LYRM4: variants seen among roughly 807,000 people sequenced by gnomAD.
The protein encoded by LYRM4 is LYR motif-containing protein 4.
LYRM4 carries 9 observed loss-of-function variants against 11.7 expected under a neutral mutation model. The ratio of observed to expected loss-of-function variants is 0.77; its 90% CI spans 0.46 to 1.34. LYRM4 has a LOEUF of 1.34. Ranked by LOEUF, LYRM4 falls within the 40% of genes most tolerant of loss-of-function variation. LYRM4 has a pLI of 0.00. For missense variants in LYRM4, 133 were observed against 112.5 expected (o/e 1.18, Z -0.82); for synonymous variants, 42 against 40.4 (o/e 1.04, Z -0.15).
At chr6:5,097,531 T>A in the LYRM4 span, among the ~76,000 whole-genome samples, 1 of 152,180 alleles carries the variant, frequency 6.6e-6, no homozygotes, top group South Asian at 2.1e-4. Context: ...GTTGATTTTT[T>A]GTAGAGATGG....
At position 5,121,820 on chromosome 6, in the gene LYRM4, C is replaced by T. The variant is rs573159529; in HGVS notation, c.208-12329G>A. Among the ~76,000 whole-genome samples the T allele has an allele frequency of 2.4e-4, 37 of 152,322 alleles. 1 individual carries two copies. The South Asian group carries it at 6.6e-3, about 27-fold the overall frequency. On this transcript the variant is annotated intron_variant, in intron 2 of 2. Coordinates refer to ENST00000330636, the MANE Select transcript of LYRM4 (RefSeq NM_020408.6). ...CTGCTTCATGCCACCAAAACCACAGCGGCAAGGCCAGAATCCTGGCCCCTC... is the reference window on the plus strand; with the variant it reads ...CTGCTTCATGCCACCAAAACCACAGTGGCAAGGCCAGAATCCTGGCCCCTC...
intron 2 of LYRM4, among the ~76,000 whole-genome samples, chr6:5,174,449 C>CGGAT (rs1759605305): frequency 6.6e-6 from 1 of 152,066 alleles, no homozygotes; most frequent in South Asian, 2.1e-4. Context: ...GAGAGACAGA[C>CGGAT]GGATGCACAA....
the LYRM4 span, among the ~76,000 whole-genome samples, chr6:5,044,891 A>G: frequency 1.3e-5 from 2 of 152,196 alleles, no homozygotes; most frequent in Non-Finnish European, 2.9e-5. Context: ...TGCCTGCCTT[A>G]TGCTTTCTCC....
chr6:5,194,212 CTCT>C (rs1760924209), intron 2 of LYRM4, among the ~76,000 whole-genome samples: 1 of 152,164 alleles, frequency 6.6e-6, no homozygotes, highest in African/African-American at 2.4e-5. Flanking sequence ...GATACGTTAC[CTCT>C]TCTTATAAAC....
At chr6:5,213,881 C>CG (rs1305219196) in intron 2 of LYRM4, among the ~76,000 whole-genome samples, 5 of 152,208 alleles carry the variant, frequency 3.3e-5, no homozygotes, top group Non-Finnish European at 5.9e-5. Flanking sequence ...AGCATTATCC[C>CG]GGGGGCTTTG....
chr6:5,208,020 T>A (rs1761793871), intron 2 of LYRM4, among the ~76,000 whole-genome samples: 1 of 152,190 alleles, frequency 6.6e-6, no homozygotes, highest in South Asian at 2.1e-4. Flanking sequence ...AACATTCTCC[T>A]AATTGTGTGT....
chr6:5,228,774 G>A (rs1581555479), intron 1 of LYRM4, among the ~76,000 whole-genome samples: 2 of 151,788 alleles, frequency 1.3e-5, no homozygotes, highest in African/African-American at 4.8e-5. Flanking sequence ...GCTGAGGTGG[G>A]AGGATCATGA....
intron 2 of LYRM4, among the ~76,000 whole-genome samples, chr6:5,198,860 C>T (rs1180056276): frequency 1.3e-5 from 2 of 152,166 alleles, no homozygotes; most frequent in Non-Finnish European, 2.9e-5. Flanking sequence ...TCTTACACCA[C>T]TCATACCCAC....
At chr6:5,255,839 C>T (rs9504364) in intron 1 of LYRM4, among the ~76,000 whole-genome samples, 43,660 of 152,022 alleles carry the variant, frequency 0.29, 7,909 homozygotes, top group African/African-American at 0.52. Flanking sequence ...CAACCAAAAA[C>T]GTCTTCAGAT....
chr6:5,154,455 T>A (rs1229323338), intron 2 of LYRM4, among the ~76,000 whole-genome samples: 1 of 152,040 alleles, frequency 6.6e-6, no homozygotes, highest in Non-Finnish European at 1.5e-5. Context: ...GCATGCAGTA[T>A]CTACGATCAC....
the LYRM4 span, among the ~76,000 whole-genome samples, chr6:5,093,665 T>C: frequency 6.6e-6 from 1 of 152,254 alleles, no homozygotes; most frequent in Non-Finnish European, 1.5e-5. Context: ...CAAGGGTTTC[T>C]ATAACAATTT....
intron 1 of LYRM4, among the ~76,000 whole-genome samples, chr6:5,237,348 G>T (rs778996441): frequency 1.3e-5 from 2 of 151,812 alleles, no homozygotes; most frequent in African/African-American, 4.8e-5. Flanking sequence ...CTCCCTATGA[G>T]AATCTAACGC....
At chr6:5,163,762 C>A (rs1432695724) in intron 2 of LYRM4, among the ~76,000 whole-genome samples, 2 of 151,840 alleles carry the variant, frequency 1.3e-5, no homozygotes, top group Non-Finnish European at 2.9e-5. Context: ...TACAGGCATG[C>A]ACCACCATGC....
chr6:5,197,363 G>T (rs1761118068), intron 2 of LYRM4, among the ~76,000 whole-genome samples: 1 of 152,170 alleles, frequency 6.6e-6, no homozygotes, highest in Admixed American at 6.5e-5. Flanking sequence ...AAGAAAAAGG[G>T]TAATATCTTA....
At chr6:5,244,097 T>C (rs1764033526) in intron 1 of LYRM4, among the ~76,000 whole-genome samples, 1 of 152,258 alleles carries the variant, frequency 6.6e-6, no homozygotes, top group South Asian at 2.1e-4. Context: ...TATGATGGCA[T>C]GAGAGCAACA....
At chr6:5,063,421 C>A in the LYRM4 span, among the ~76,000 whole-genome samples, 1 of 149,222 alleles carries the variant, frequency 6.7e-6, no homozygotes, top group Admixed American at 6.8e-5. Context: ...TCCCGACCCC[C>A]ATCCTACCTG....
intron 2 of LYRM4, among the ~76,000 whole-genome samples, chr6:5,204,081 G>A (rs1304350873): frequency 2.6e-5 from 4 of 152,276 alleles, no homozygotes; most frequent in Non-Finnish European, 4.4e-5. Context: ...AAGAGAAAGA[G>A]TCCCACAGAA....
chr6:5,186,372 G>A (rs920450496), intron 2 of LYRM4, among the ~76,000 whole-genome samples: 2 of 152,192 alleles, frequency 1.3e-5, no homozygotes, highest in Non-Finnish European at 2.9e-5. Context: ...AAGGATGGAT[G>A]TTTCCTTTGG....
intron 1 of LYRM4, among the ~76,000 whole-genome samples, chr6:5,238,029 G>T (rs570969058): frequency 2.6e-5 from 4 of 152,222 alleles, no homozygotes; most frequent in African/African-American, 9.6e-5. Flanking sequence ...CCAGACCTGA[G>T]GCCGTGCTCC....
Sources: allele counts gnomAD v4.1 joint callset (sites outside exome capture counted in the v4.1 genomes callset), GRCh38; gene constraint gnomAD v4.1.1; transcripts MANE v1.5; gene names NCBI Gene and HGNC (gene_info 2026-07-23, HGNC 2026-07-21).